The following PPP1R1C variants were observed in gnomAD, a reference collection of about 807,000 sequenced individuals.
PPP1R1C encodes the protein protein phosphatase 1 regulatory inhibitor subunit 1C.
PPP1R1C carries 15 observed loss-of-function variants against 17.4 expected under a neutral mutation model. The ratio of observed to expected loss-of-function variants is 0.86; its 90% confidence interval spans 0.58 to 1.33. The LOEUF (loss-of-function observed/expected upper bound fraction) is 1.33, where lower values mean the gene tolerates loss of function less well. Ranked by LOEUF, PPP1R1C falls within the 40% of genes most tolerant of loss-of-function variation. The probability of loss-of-function intolerance (pLI) is 0.00; values close to 1 mark genes in which losing one functional copy is unlikely to be tolerated. For synonymous variants in PPP1R1C, 35 were observed against 43.1 expected, an observed-to-expected ratio of 0.81 and a Z score of 0.73; for missense variants, 143 against 130.0, an observed-to-expected ratio of 1.10 and a Z score of -0.48.
At chr2:182,070,512 A>G (rs1294582178) in intron 4 of PPP1R1C, among the ~76,000 whole-genome samples, 1 of 152,184 alleles carries the variant, frequency 6.6e-6, no homozygotes, top group East Asian at 1.9e-4. Context: ...ATCCCAACCA[A>G]AATTACATGT....
rs181031614 is a variant in PPP1R1C, at chr2:182,004,017, A to G, written c.142+16118A>G. 6.6e-5 allele frequency among the ~76,000 whole-genome samples: 10 copies of G among 152,202 alleles called. No homozygotes were observed. The East Asian group carries it at 1.9e-3, about 29-fold the overall frequency. On this transcript the variant is annotated intron_variant, in intron 2 of 4. Coordinates refer to ENST00000682840, the MANE Select transcript of PPP1R1C (RefSeq NM_001080545.3). ...TTAGGATTTTGGCTGGTTTTGAAGCATCACGGCTCTGACTGGAGAGCTCTA... is the reference window on the plus strand; with the variant it reads ...TTAGGATTTTGGCTGGTTTTGAAGCGTCACGGCTCTGACTGGAGAGCTCTA...
intron 4 of PPP1R1C, among the ~76,000 whole-genome samples, chr2:182,085,131 G>A (rs1022284457): frequency 6.6e-5 from 10 of 151,942 alleles, no homozygotes; most frequent in African/African-American, 2.4e-4. Flanking sequence ...TGATTTTGCT[G>A]AATTCATATA....
Position 181,963,635 on chromosome 2 carries a change from ACT to A in PPP1R1C, n.111+9004_111+9005del, listed in dbSNP as rs1339265980. Among the ~76,000 whole-genome samples, 4 of 152,250 alleles carry A rather than the reference ACT, an allele frequency of 2.6e-5. No individual in the cohort carries two copies. The East Asian group carries it at 5.8e-4, about 22-fold the overall frequency. The stretch of plus-strand genomic sequence containing the variant: ...ACTCCAGTCTGGGCTACAGAGAGAA[ACT>A]CTGTCTCAAAAAACAAACCAACAAA... On this transcript the variant is annotated intron_variant and non_coding_transcript_variant, in intron 1 of 5. Coordinates refer to the PPP1R1C transcript ENST00000464264.
chr2:182,091,836 A>G (rs1044205269), intron 4 of PPP1R1C, among the ~76,000 whole-genome samples: 1 of 152,032 alleles, frequency 6.6e-6, no homozygotes, highest in African/African-American at 2.4e-5. Context: ...CTCCTTTGGG[A>G]TATTCTCATT....
At chr2:182,020,093 G>A (rs1404512446) in intron 2 of PPP1R1C, among the ~76,000 whole-genome samples, 1 of 152,204 alleles carries the variant, frequency 6.6e-6, no homozygotes, top group Admixed American at 6.5e-5. Flanking sequence ...AGTTTTCAGA[G>A]GAGCAGGAGA....
intron 2 of PPP1R1C, among the ~76,000 whole-genome samples, chr2:182,039,229 C>T (rs1361949681): frequency 1.3e-5 from 2 of 152,146 alleles, no homozygotes; most frequent in East Asian, 1.9e-4. Flanking sequence ...ATTTTGAATT[C>T]CTTTCCTATG....
chr2:182,005,746 T>G (rs1376907293), intron 2 of PPP1R1C, among the ~76,000 whole-genome samples: 2 of 152,186 alleles, frequency 1.3e-5, no homozygotes, highest in Non-Finnish European at 2.9e-5. Flanking sequence ...AGAAAAATTA[T>G]ATTGCTTGCC....
In PPP1R1C at chr2:182,050,701, A is replaced by C. The variant is rs1882210; in HGVS notation, c.143-10741A>C. Among the ~76,000 whole-genome samples, 394 of 152,304 alleles carry C rather than the reference A, an allele frequency of 2.6e-3. 2 individuals carry two copies. Among genetic ancestry groups the C allele is most frequent in the African/African-American group, 9.0e-3 (373 of 41,558 alleles). ...ATTAAACACTAATCTTACCTCAGTC[A>C]TATCTGTTCACCTGTCATCCACAAG... is the stretch of plus-strand genomic sequence containing the variant. On this transcript the variant is annotated intron_variant, in intron 2 of 4. Transcript: ENST00000682840.
intron 2 of PPP1R1C, among the ~76,000 whole-genome samples, chr2:182,004,973 C>G (rs953960705): frequency 6.6e-6 from 1 of 152,090 alleles, no homozygotes; most frequent in African/African-American, 2.4e-5. Context: ...ACCCATTACT[C>G]TAGACATGGT....
chr2:182,049,528 C>A (rs1198428694), intron 2 of PPP1R1C, among the ~76,000 whole-genome samples: 1 of 151,812 alleles, frequency 6.6e-6, no homozygotes, highest in African/African-American at 2.4e-5. Flanking sequence ...GAATATAATC[C>A]CTTGGCTGCA....
At chr2:182,070,148 G>A (rs1688100305) in intron 4 of PPP1R1C, among the ~76,000 whole-genome samples, 1 of 152,222 alleles carries the variant, frequency 6.6e-6, no homozygotes, top group African/African-American at 2.4e-5. Flanking sequence ...GGAGGGTAAG[G>A]CCACTTTCAG....
chr2:182,098,897 T>G (rs532202510), intron 4 of PPP1R1C, among the ~76,000 whole-genome samples: 47 of 152,348 alleles, frequency 3.1e-4, no homozygotes, highest in African/African-American at 1.1e-3. Flanking sequence ...ATCATAGTCT[T>G]TCTCAATGCC....
rs753963281 is a variant in PPP1R1C, at chr2:181,986,110, C to A, written c.-1C>A. The A allele has an allele frequency of 1.9e-6, 3 of 1,612,398 alleles. No homozygotes were observed. The highest frequency in any genetic ancestry group is 3.3e-4 in the Middle Eastern group (2 of 6,080). ...ATCTCTGACTAATTATCATCATTAC[C>A]ATGGAGCCCAACAGTCCCAAAAAGA... On this transcript the variant is annotated 5_prime_UTR_variant, in exon 1 of 5. Transcript: ENST00000682840.
intron 4 of PPP1R1C, among the ~76,000 whole-genome samples, chr2:182,068,289 A>G (rs1688046088): frequency 6.6e-6 from 1 of 152,174 alleles, no homozygotes; most frequent in African/African-American, 2.4e-5. Flanking sequence ...CAGGCACACA[A>G]TATGTGGAAC....
At chr2:182,025,194 TTA>T (rs1017580939) in intron 2 of PPP1R1C, among the ~76,000 whole-genome samples, 7 of 148,028 alleles carry the variant, frequency 4.7e-5, no homozygotes, top group African/African-American at 1.5e-4. Context: ...ATTATTATTA[TTA>T]TTATTTATTT....
chr2:182,032,775 T>C (rs1686885188), intron 2 of PPP1R1C, among the ~76,000 whole-genome samples: 1 of 152,174 alleles, frequency 6.6e-6, no homozygotes, highest in Non-Finnish European at 1.5e-5. Context: ...ATTATGAGGA[T>C]TAGAATAGCG....
chr2:181,965,684 C>T (rs1684893313), intron 1 of PPP1R1C, among the ~76,000 whole-genome samples: 1 of 152,142 alleles, frequency 6.6e-6, no homozygotes, highest in Admixed American at 6.5e-5. Context: ...TAACCAAAAC[C>T]ATGCTGTTTT....
intron 2 of PPP1R1C, among the ~76,000 whole-genome samples, chr2:182,055,477 C>G (rs1193217693): frequency 6.6e-6 from 1 of 151,992 alleles, no homozygotes; most frequent in Non-Finnish European, 1.5e-5. Flanking sequence ...TTTTTTCAAT[C>G]CTTTTTCTTC....
chr2:182,026,649 C>G (rs184105465), intron 2 of PPP1R1C, among the ~76,000 whole-genome samples: 327 of 152,240 alleles, frequency 2.1e-3, no homozygotes, highest in Non-Finnish European at 3.8e-3. Flanking sequence ...AGTGTGATGC[C>G]TCCAGCTTCG....
Sources: gnomAD v4.1 joint callset for allele counts (sites outside exome capture counted in the v4.1 genomes callset) on GRCh38, gnomAD v4.1.1 for gene constraint, MANE v1.5 for transcripts, NCBI Gene and HGNC (gene_info 2026-07-23, HGNC 2026-07-21) for gene names.